Variants in SLC1A7 observed in about 807,000 individuals in gnomAD.
SLC1A7 encodes the protein excitatory amino acid transporter 5.
SLC1A7 carries 40 observed loss-of-function variants against 47.7 expected under a neutral mutation model. The ratio of observed to expected loss-of-function variants is 0.84; its 90% confidence interval spans 0.65 to 1.09. The LOEUF is 1.09. Among genes scored for constraint, SLC1A7 ranks in the 50% least tolerant of loss-of-function variants. SLC1A7 has a pLI of 0.00. For synonymous variants in SLC1A7, 323 were observed against 325.6 expected, an observed-to-expected ratio of 0.99 and a Z score of 0.09; for missense variants, 746 against 769.5, an observed-to-expected ratio of 0.97 and a Z score of 0.36.
intron 2 of SLC1A7, among the ~76,000 whole-genome samples, chr1:53,116,522 G>A (rs957474261): frequency 1.3e-5 from 2 of 152,240 alleles, no homozygotes; most frequent in African/African-American, 4.8e-5. Context: ...ATATGTTAGT[G>A]ATGGGCTTAG....
intron 5 of SLC1A7, among the ~76,000 whole-genome samples, chr1:53,099,688 GCCTCGGTACACTCACACACACCA>G (rs1197575832): frequency 1.0e-5 from 1 of 97,706 alleles, no homozygotes; most frequent in Non-Finnish European, 2.3e-5. Flanking sequence ...CACTCACACT[GCCTCGGTACACTCACACACACCA>G]CCTCGGTACA....
intron 1 of SLC1A7, 87 bp downstream of exon 1, chr1:53,142,228 A>G: frequency 7.1e-7 from 1 of 1,411,174 alleles, no homozygotes; most frequent in Non-Finnish European, 9.5e-7. Context: ...GGCACCAGGG[A>G]GCTGTGATGC....
chr1:53,089,894 G>A lies in SLC1A7; in HGVS notation c.1267C>T (p.Pro423Ser). The change falls in exon 9 of 11, where the codon CCC becomes TCC. Residue 423 changes from proline (P) to serine (S), a missense_variant. Transcript: ENST00000371494. ...TAASIGAAGI[P>S]QAGLVTMVIV... ...ACCATGGTGACGAGGCCGGCCTGGG[G>A]GATGCCAGCTGCCCCAATGCTGGCT... 2 of 1,613,806 alleles carry A rather than the reference G, an allele frequency of 1.2e-6. No individual in the cohort carries two copies. Among genetic ancestry groups the A allele is most frequent in the African/African-American group, 1.3e-5 (1 of 75,052 alleles).
intron 3 of SLC1A7, among the ~76,000 whole-genome samples, chr1:53,106,886 A>G (rs972737444): frequency 6.6e-6 from 1 of 152,010 alleles, no homozygotes; most frequent in Non-Finnish European, 1.5e-5. Flanking sequence ...TGGGCACAGT[A>G]GTTCATGCCT....
intron 4 of SLC1A7, among the ~76,000 whole-genome samples, chr1:53,104,885 G>A (rs1489772837): frequency 6.6e-6 from 1 of 152,166 alleles, no homozygotes; most frequent in Non-Finnish European, 1.5e-5. Flanking sequence ...CTGAGCACAA[G>A]GACATTCACC....
chr1:53,113,618 G>A (rs1644723035), intron 3 of SLC1A7, among the ~76,000 whole-genome samples: 2 of 152,026 alleles, frequency 1.3e-5, no homozygotes, highest in African/African-American at 4.8e-5. Flanking sequence ...ACTTGGCCCT[G>A]TCCCTGGCTC....
At chr1:53,094,997 G>A (rs1644469326) in intron 5 of SLC1A7, among the ~76,000 whole-genome samples, 2 of 152,106 alleles carry the variant, frequency 1.3e-5, no homozygotes, top group South Asian at 2.1e-4. Context: ...ACTCACACAC[G>A]CGGGCAGACA....
Position 53,142,491 on chromosome 1 carries a change from C to G in SLC1A7, c.-42G>C. 6.2e-7 allele frequency: 1 copy of G among 1,601,762 alleles called. No homozygotes were observed. The highest frequency in any genetic ancestry group is 1.1e-5 in the South Asian group (1 of 89,796). ...TGGCAAGGGGCACAGCACCATTCCA[C>G]GCATGAGAGCCCGGCCGGGGGCACA... On this transcript the variant is annotated 5_prime_UTR_variant, in exon 1 of 11. Transcript: ENST00000371494.
intron 3 of SLC1A7, among the ~76,000 whole-genome samples, chr1:53,106,397 C>T (rs114358055): frequency 0.02 from 3,055 of 151,642 alleles, 95 homozygotes; most frequent in African/African-American, 0.07. Context: ...GCGGGCGGAT[C>T]ACGAGGTCGG....
intron 3 of SLC1A7, among the ~76,000 whole-genome samples, chr1:53,111,727 T>C (rs1171652914): frequency 6.6e-6 from 1 of 152,084 alleles, no homozygotes; most frequent in Non-Finnish European, 1.5e-5. Context: ...TCTAGACACT[T>C]TATGTGAGAA....
chr1:53,098,862 C>T (rs942212081), intron 5 of SLC1A7, among the ~76,000 whole-genome samples: 2 of 150,744 alleles, frequency 1.3e-5, no homozygotes, highest in African/African-American at 4.9e-5. Context: ...ACACACTCTG[C>T]CTCATTACAC....
chr1:53,103,172 T>G (rs1457999688), intron 5 of SLC1A7, 174 bp downstream of exon 5: 14 of 526,000 alleles, frequency 2.7e-5, no homozygotes, highest in South Asian at 8.6e-5. Flanking sequence ...GCCCCTGGGG[T>G]GGGGTGGGGA....
intron 1 of SLC1A7, among the ~76,000 whole-genome samples, chr1:53,139,515 C>T (rs1425906456): frequency 1.3e-5 from 2 of 152,156 alleles, no homozygotes; most frequent in African/African-American, 4.8e-5. Context: ...TGGATGAGTC[C>T]CCCAACTGAA....
intron 3 of SLC1A7, among the ~76,000 whole-genome samples, chr1:53,109,051 AC>A (rs1354171689): frequency 1.3e-5 from 2 of 151,884 alleles, no homozygotes; most frequent in Non-Finnish European, 2.9e-5. Flanking sequence ...GTGCCTGGGG[AC>A]GTTAATAGCC....
At chr1:53,091,973 A>G (rs533877349) in intron 7 of SLC1A7, among the ~76,000 whole-genome samples, 1 of 152,302 alleles carries the variant, frequency 6.6e-6, no homozygotes, top group African/African-American at 2.4e-5. Context: ...GTGCTGGTTC[A>G]CCTGGCCCAG....
At position 53,114,745 on chromosome 1, in the gene SLC1A7, T is replaced by C. The variant is rs1272097284; in HGVS notation, c.431+13A>G. 9 of 1,610,366 alleles carry C rather than the reference T, an allele frequency of 5.6e-6. No homozygotes were observed. The highest frequency in any genetic ancestry group is 5.9e-6 in the Non-Finnish European group (7 of 1,177,668). ...CTGGCGTTCCCAAGCGGGGTGTGGG[T>C]GGCAATAGTTACCGGATGAGGTCCA... On this transcript the variant is annotated intron_variant, in intron 3 of 10. Transcript: ENST00000371494.
intron 1 of SLC1A7, among the ~76,000 whole-genome samples, chr1:53,137,711 A>G (rs1164330952): frequency 1.3e-5 from 2 of 152,146 alleles, no homozygotes; most frequent in Non-Finnish European, 2.9e-5. Context: ...TCTTCCAAAC[A>G]TTTTAACATG....
At chr1:53,093,759 C>A (rs528961318) in intron 5 of SLC1A7, among the ~76,000 whole-genome samples, 199 bp from the exon 6 acceptor site, 30 of 152,236 alleles carry the variant, frequency 2.0e-4, no homozygotes, top group Non-Finnish European at 3.7e-4. Flanking sequence ...CACCTTCCTC[C>A]ACGCAGCAGC....
In SLC1A7 at chr1:53,114,922, G is replaced by A. The variant is rs764673753; in HGVS notation, c.267C>T (p.Gly89=). ...SLDAKTSSRL[G]VLTVAYYLWT... Reference sequence around the variant, plus strand: ...ACAGGTAGTACGCCACGGTGAGGACGCCCAGGCGGCTAGAGGTCTTGGCAT... The same window carrying A: ...ACAGGTAGTACGCCACGGTGAGGACACCCAGGCGGCTAGAGGTCTTGGCAT... Residue 89 remains glycine (G), a synonymous_variant, in exon 3 of 11, where the codon GGC becomes GGT. Coordinates refer to ENST00000371494, the MANE Select transcript of SLC1A7 (RefSeq NM_006671.6). The A allele has an allele frequency of 8.7e-6, 14 of 1,614,018 alleles. No homozygotes were observed. Among genetic ancestry groups the A allele is most frequent in the Middle Eastern group, 3.3e-4 (2 of 6,080 alleles).
Sources: gnomAD v4.1 joint callset for allele counts (sites outside exome capture counted in the v4.1 genomes callset) on GRCh38, gnomAD v4.1.1 for gene constraint, MANE v1.5 for transcripts, NCBI Gene and HGNC (gene_info 2026-07-23, HGNC 2026-07-21) for gene names.